XPNPEP1: variants seen among roughly 807,000 people sequenced by gnomAD.
XPNPEP1 encodes xaa-Pro aminopeptidase 1.
A neutral mutation model predicts 92.4 loss-of-function variants in XPNPEP1; 39 were observed. The observed-to-expected ratio is 0.42, with a 90% confidence interval of 0.33 to 0.55. XPNPEP1 has a LOEUF of 0.55. XPNPEP1 is among the 20% of genes least tolerant of loss of function. The pLI, the probability that XPNPEP1 is intolerant of heterozygous loss-of-function variation, is 0.08. For synonymous variants in XPNPEP1, 307 were observed against 299.4 expected, an observed-to-expected ratio of 1.03 and a Z score of -0.26; for missense variants, 654 against 856.1, an observed-to-expected ratio of 0.76 and a Z score of 2.95.
intron 3 of XPNPEP1, among the ~76,000 whole-genome samples, chr10:109,902,667 G>T (rs1277162774): frequency 2.0e-5 from 3 of 152,196 alleles, no homozygotes; most frequent in Admixed American, 1.3e-4. Context: ...GATGAAGATG[G>T]AAGGACAGCA....
Position 109,870,916 on chromosome 10 carries a change from A to C in XPNPEP1, c.1523-12T>G, listed in dbSNP as rs748457827. 1 of 1,611,976 alleles carries C rather than the reference A, an allele frequency of 6.2e-7. No individual in the cohort carries two copies. Among genetic ancestry groups the C allele is most frequent in the East Asian group, 2.2e-5 (1 of 44,852 alleles). On this transcript the variant is annotated splice_polypyrimidine_tract_variant and intron_variant, in intron 17 of 20. Transcript: ENST00000502935. Reference sequence around the variant, plus strand: ...GTCAAGAAGGTGACCTGAAAGACATAAAGAGCCACTTAATTGTATTTGTAC... The same window carrying C: ...GTCAAGAAGGTGACCTGAAAGACATCAAGAGCCACTTAATTGTATTTGTAC...
At chr10:109,876,759 G>T (rs1433125150) in intron 14 of XPNPEP1, 2 of 152,266 alleles carry the variant, frequency 1.3e-5, no homozygotes, top group African/African-American at 2.4e-5. Context: ...GCATGTAACA[G>T]ATGGGGATGC....
At position 109,868,728 on chromosome 10, in the gene XPNPEP1, G is replaced by A. The variant is rs547615035; in HGVS notation, c.1774-16C>T. On this transcript the variant is annotated splice_polypyrimidine_tract_variant and intron_variant, in intron 19 of 20. Coordinates refer to ENST00000502935, the MANE Select transcript of XPNPEP1 (RefSeq NM_020383.4). Reference sequence around the variant, plus strand: ...TAAAATTATACTGCGGGAGAAAGAAGAAAACAGATGCTTTTACTCCTCTTT... The same window carrying A: ...TAAAATTATACTGCGGGAGAAAGAAAAAAACAGATGCTTTTACTCCTCTTT... The A allele has an allele frequency of 2.5e-5, 40 of 1,604,228 alleles. No homozygotes were observed. The East Asian group carries it at 8.3e-4, about 33-fold the overall frequency.
intron 7 of XPNPEP1, 151 bp downstream of exon 7, chr10:109,887,898 G>T (rs1848480061): frequency 8.7e-7 from 1 of 1,145,458 alleles, no homozygotes; most frequent in Non-Finnish European, 1.2e-6. Context: ...CAAAGCTCCT[G>T]CTTCTTCAAA....
intron 3 of XPNPEP1, among the ~76,000 whole-genome samples, chr10:109,896,716 T>C (rs1385338486): frequency 6.6e-6 from 1 of 151,898 alleles, no homozygotes; most frequent in Non-Finnish European, 1.5e-5. Context: ...CAACCCACAT[T>C]TGTATTATAA....
intron 3 of XPNPEP1, among the ~76,000 whole-genome samples, chr10:109,896,970 T>C (rs901000868): frequency 6.6e-6 from 1 of 152,194 alleles, no homozygotes; most frequent in Non-Finnish European, 1.5e-5. Context: ...CTGTGGTAAT[T>C]TGTTATAGCA....
chr10:109,902,313 C>T (rs1344843102), intron 3 of XPNPEP1, among the ~76,000 whole-genome samples: 6 of 152,230 alleles, frequency 3.9e-5, no homozygotes, highest in Non-Finnish European at 7.3e-5. Context: ...CTAACAATAG[C>T]CCATGCGGTA....
intron 8 of XPNPEP1, 42 bp downstream of exon 8, chr10:109,886,204 A>G (rs1198853343): frequency 1.3e-6 from 2 of 1,588,642 alleles, no homozygotes; most frequent in South Asian, 1.1e-5. Flanking sequence ...CCCAAAGGAG[A>G]GATCGGGTAA....
intron 3 of XPNPEP1, among the ~76,000 whole-genome samples, chr10:109,900,245 C>T (rs992955125): frequency 6.6e-6 from 1 of 152,112 alleles, no homozygotes; most frequent in African/African-American, 2.4e-5. Flanking sequence ...TTCTCCAACA[C>T]CCTCCCCTCC....
chr10:109,908,138 T>C (rs1054427746), intron 2 of XPNPEP1, among the ~76,000 whole-genome samples: 1 of 152,244 alleles, frequency 6.6e-6, no homozygotes, highest in Non-Finnish European at 1.5e-5. Context: ...TAGGTGTTTA[T>C]CTTTGTTTAT....
intron 1 of XPNPEP1, among the ~76,000 whole-genome samples, chr10:109,919,020 G>T (rs187738240): frequency 6.6e-6 from 1 of 152,134 alleles, no homozygotes; most frequent in Non-Finnish European, 1.5e-5. Context: ...AGGTATGAAC[G>T]TAGGCGCTAA....
intron 14 of XPNPEP1, chr10:109,876,717 G>A (rs1327699791): frequency 6.6e-6 from 1 of 152,292 alleles, no homozygotes. Flanking sequence ...AAAAAAGTGT[G>A]TGCCCAAGCA....
At chr10:109,865,338 G>T (rs756542977) in intron 20 of XPNPEP1, 26 bp from the exon 21 acceptor site, 7 of 1,613,652 alleles carry the variant, frequency 4.3e-6, no homozygotes, top group South Asian at 2.2e-5. Context: ...GGACAGACAC[G>T]GTATTCACCA....
intron 19 of XPNPEP1, 47 bp downstream of exon 19, chr10:109,869,906 T>C (rs773181155): frequency 1.3e-6 from 2 of 1,594,728 alleles, no homozygotes; most frequent in Non-Finnish European, 1.7e-6. Context: ...ATCCGAGGCG[T>C]GATTATTGCT....
At chr10:109,886,987 G>A (rs1184652169) in intron 7 of XPNPEP1, among the ~76,000 whole-genome samples, 2 of 152,086 alleles carry the variant, frequency 1.3e-5, no homozygotes, top group Admixed American at 6.5e-5. Flanking sequence ...AGATGAAATC[G>A]TGGTGCTAGA....
At chr10:109,887,367 C>A (rs546034011) in intron 7 of XPNPEP1, among the ~76,000 whole-genome samples, 9 of 152,288 alleles carry the variant, frequency 5.9e-5, no homozygotes, top group African/African-American at 1.9e-4. Flanking sequence ...AAGATCAGTT[C>A]GGGAATGCTG....
At position 109,871,701 on chromosome 10, in the gene XPNPEP1, A is replaced by T. The variant is rs563490116; in HGVS notation, c.1522+91T>A. 2.7e-6 allele frequency: 4 copies of T among 1,455,542 alleles called. No individual in the cohort carries two copies. The African/African-American group carries it at 6.2e-5, about 23-fold the overall frequency. 90.2% of individuals were successfully genotyped at this position (1,455,542 alleles called of 1,614,324 possible). ...GAAGTGGGATGGGGACCTCACAGTG[A>T]AGGAACGACATGTTCTTTCACTCAA... On this transcript the variant is annotated intron_variant, in intron 17 of 20. Transcript: ENST00000502935.
At chr10:109,893,157 C>A in intron 3 of XPNPEP1, 82 bp from the exon 4 acceptor site, 8 of 1,323,682 alleles carry the variant, frequency 6.0e-6, no homozygotes, top group Non-Finnish European at 8.5e-6. Context: ...GTGCTAGGCT[C>A]AGCGGGGACT....
At position 109,865,171 on chromosome 10, in the gene XPNPEP1, G is replaced by T. The variant is rs371362464; in HGVS notation, c.*13C>A. 1 of 1,613,994 alleles carries T rather than the reference G, an allele frequency of 6.2e-7. No homozygotes were observed. Among genetic ancestry groups the T allele is most frequent in the East Asian group, 2.2e-5 (1 of 44,880 alleles). On this transcript the variant is annotated 3_prime_UTR_variant, in exon 21 of 21. Transcript: ENST00000502935. ...CAGAGCATTTTACAAAAACAAAACCGGGGAGGTATTTATTAATGCTGTTTG... is the reference window on the plus strand; with the variant it reads ...CAGAGCATTTTACAAAAACAAAACCTGGGAGGTATTTATTAATGCTGTTTG...
Sources: gnomAD v4.1 joint callset for allele counts (sites outside exome capture counted in the v4.1 genomes callset) on GRCh38, gnomAD v4.1.1 for gene constraint, MANE v1.5 for transcripts, NCBI Gene and HGNC (gene_info 2026-07-23, HGNC 2026-07-21) for gene names.